The following TMEM245 variants were observed in gnomAD, a reference collection of about 807,000 sequenced individuals.
TMEM245 encodes transmembrane protein 245.
A neutral mutation model predicts 101.2 loss-of-function variants in TMEM245; 69 were observed. That is an observed-to-expected ratio of 0.68 (90% CI 0.56 to 0.83). The LOEUF is 0.83. Ranked by LOEUF, TMEM245 falls within the 40% of genes least tolerant of loss-of-function variation. The pLI is 0.00. For synonymous variants in TMEM245, 537 were observed against 449.8 expected, an observed-to-expected ratio of 1.19 and a Z score of -2.45; for missense variants, 1,075 against 1,092.8, an observed-to-expected ratio of 0.98 and a Z score of 0.23.
intron 3 of TMEM245, among the ~76,000 whole-genome samples, chr9:109,102,292 CAG>C (rs941256055): frequency 6.6e-6 from 1 of 152,036 alleles, no homozygotes; most frequent in African/African-American, 2.4e-5. Context: ...TTTCCACTGT[CAG>C]AGAGATATAT....
chr9:109,021,145 G>T (rs1033458014), intron 17 of TMEM245, among the ~76,000 whole-genome samples: 1 of 152,226 alleles, frequency 6.6e-6, no homozygotes, highest in Admixed American at 6.5e-5. Flanking sequence ...CTGCATACAT[G>T]AAGTGTCTAT....
At chr9:109,034,786 T>C (rs1828068478) in intron 16 of TMEM245, among the ~76,000 whole-genome samples, 1 of 152,154 alleles carries the variant, frequency 6.6e-6, no homozygotes. Context: ...TGTGGGAGTT[T>C]ATGAATAAAA....
intron 8 of TMEM245, among the ~76,000 whole-genome samples, chr9:109,076,410 T>G (rs1829505111): frequency 6.6e-6 from 1 of 151,252 alleles, no homozygotes; most frequent in East Asian, 1.9e-4. Flanking sequence ...AGGGATAGCA[T>G]TAGGAGATAC....
Position 109,032,815 on chromosome 9 carries a change from T to G in TMEM245, c.2594+492A>C, listed in dbSNP as rs910023293. Among the ~76,000 whole-genome samples, 75 of 149,394 alleles carry G rather than the reference T, an allele frequency of 5.0e-4. 1 individual carries two copies. The highest frequency in any genetic ancestry group is 1.7e-3 in the African/African-American group (70 of 40,854). On this transcript the variant is annotated intron_variant, in intron 17 of 17. Coordinates refer to ENST00000374586, the MANE Select transcript of TMEM245 (RefSeq NM_032012.4). The stretch of plus-strand genomic sequence containing the variant: ...TCTCACCCAATATAGGTCTTTTTTT[T>G]TTTTTTTTTTTTATATGCTGTTGCC...
intron 14 of TMEM245, among the ~76,000 whole-genome samples, chr9:109,045,114 A>G (rs646234): frequency 0.46 from 69,668 of 151,972 alleles, 16,275 homozygotes; most frequent in South Asian, 0.61. Flanking sequence ...TTGAAATGAT[A>G]TAATTTATTG....
intron 3 of TMEM245, among the ~76,000 whole-genome samples, chr9:109,104,545 G>A (rs1272821559): frequency 2.0e-5 from 3 of 152,072 alleles, no homozygotes; most frequent in East Asian, 1.9e-4. Flanking sequence ...AAACAGGAAA[G>A]CTGATCATAA....
chr9:109,100,573 T>C (rs1216002267), intron 3 of TMEM245, among the ~76,000 whole-genome samples: 1 of 152,168 alleles, frequency 6.6e-6, no homozygotes. Context: ...AAGGTTAGTC[T>C]TGAACTCCTG....
At position 109,016,086 on chromosome 9, in the gene TMEM245, C is replaced by T. The variant is rs988517523; in HGVS notation, c.*4374G>A. On this transcript the variant is annotated 3_prime_UTR_variant, in exon 18 of 18. Transcript: ENST00000374586. The stretch of plus-strand genomic sequence containing the variant: ...CTTCTCAAAGAGTTGTAAACTTGAT[C>T]AAGGGCCATGTTTCTCAAAGGACCC... The T allele has an allele frequency of 6.6e-6, 1 of 152,596 alleles. No homozygotes were observed. The highest frequency in any genetic ancestry group is 1.5e-5 in the Non-Finnish European group (1 of 68,030). The allele number at this position is 152,596 out of a possible 1,614,324, so 9.5% of individuals were successfully genotyped here.
intron 3 of TMEM245, among the ~76,000 whole-genome samples, chr9:109,099,679 C>T (rs1378579755): frequency 1.3e-5 from 2 of 152,174 alleles, no homozygotes; most frequent in African/African-American, 4.8e-5. Flanking sequence ...CACAGCCTTA[C>T]TTATAGGAGA....
chr9:109,036,478 C>A lies in TMEM245; in HGVS notation c.2225-98G>T, dbSNP rs1175541381. ...GTAGCTCCTCCTCAACAACTTCCAA[C>A]AAAACAAGTTAAATACTCACAAACT... On this transcript the variant is annotated intron_variant, in intron 15 of 17. Transcript: ENST00000374586. The A allele has an allele frequency of 6.8e-6, 8 of 1,168,000 alleles. No homozygotes were observed. The South Asian group carries it at 1.4e-4, about 20-fold the overall frequency. 72.4% of individuals were successfully genotyped at this position (1,168,000 alleles called of 1,614,324 possible).
In TMEM245 at chr9:109,057,179, G is replaced by C. The variant is rs747274136; in HGVS notation, c.1854+12C>G. The C allele has an allele frequency of 1.9e-6, 3 of 1,611,054 alleles. No homozygotes were observed. The highest frequency in any genetic ancestry group is 3.4e-5 in the Admixed American group (2 of 59,588). ...TTTGAACTTCAGCTTAACTATAAAT[G>C]CTATTTCTTACCGAAAGAAATGTCT... On this transcript the variant is annotated intron_variant, in intron 12 of 17. Coordinates refer to ENST00000374586, the MANE Select transcript of TMEM245 (RefSeq NM_032012.4).
At position 109,016,502 on chromosome 9, in the gene TMEM245, T is replaced by C. The variant is rs1019945222; in HGVS notation, c.*3958A>G. ...ATGTCAGACAAGCCACTTAAACCTA[T>C]GAATTTGGGTCTTTCTCTAGAAAGT... On this transcript the variant is annotated 3_prime_UTR_variant, in exon 18 of 18. Transcript: ENST00000374586. The C allele has an allele frequency of 6.6e-5, 10 of 152,148 alleles. No homozygotes were observed. The highest frequency in any genetic ancestry group is 2.4e-4 in the African/African-American group (10 of 41,438). The allele number at this position is 152,148 out of a possible 1,614,324, so 9.4% of individuals were successfully genotyped here. A position where few individuals can be genotyped will look rare whatever the true frequency, so the allele number is the denominator to read the frequency against.
At chr9:109,058,197 GGTTTCAC>G (rs1437843716) in intron 11 of TMEM245, among the ~76,000 whole-genome samples, 1 of 151,346 alleles carries the variant, frequency 6.6e-6, no homozygotes, top group Admixed American at 6.6e-5. Flanking sequence ...GTAGAGACGG[GGTTTCAC>G]TGTGTTAGCC....
chr9:109,115,206 C>A (rs937739640), intron 1 of TMEM245, among the ~76,000 whole-genome samples: 1 of 151,908 alleles, frequency 6.6e-6, no homozygotes, highest in Non-Finnish European at 1.5e-5. Flanking sequence ...AAAAATTAGC[C>A]GGGCGTGGTG....
At position 109,020,173 on chromosome 9, in the gene TMEM245, T is replaced by C. The variant is rs935517571; in HGVS notation, c.*287A>G. The C allele has an allele frequency of 2.9e-6, 1 of 348,404 alleles. No individual in the cohort carries two copies. Among genetic ancestry groups the C allele is most frequent in the Admixed American group, 4.5e-5 (1 of 22,248 alleles). The allele number at this position is 348,404 out of a possible 1,614,324, so 21.6% of individuals were successfully genotyped here. On this transcript the variant is annotated 3_prime_UTR_variant, in exon 18 of 18. Coordinates refer to ENST00000374586, the MANE Select transcript of TMEM245 (RefSeq NM_032012.4). Reference sequence around the variant, plus strand: ...AACATAGATAACCAAAGTGGAAAAATTTCAAGCCAGGGTACCAGTGTATAA... The same window carrying C: ...AACATAGATAACCAAAGTGGAAAAACTTCAAGCCAGGGTACCAGTGTATAA...
intron 12 of TMEM245, 100 bp downstream of exon 12, chr9:109,057,091 A>C: frequency 1.5e-6 from 2 of 1,314,114 alleles, no homozygotes; most frequent in Non-Finnish European, 2.1e-6. Flanking sequence ...CATGATGTTA[A>C]AAACAGGATA....
At chr9:109,020,664 T>C (rs570469476) in intron 17 of TMEM245, among the ~76,000 whole-genome samples, 159 bp from the exon 18 acceptor site, 1 of 152,350 alleles carries the variant, frequency 6.6e-6, no homozygotes, top group East Asian at 1.9e-4. Context: ...CTCATTCTCA[T>C]TAACAAGAAC....
chr9:109,071,830 A>G (rs1383213300), intron 9 of TMEM245, among the ~76,000 whole-genome samples: 1 of 152,200 alleles, frequency 6.6e-6, no homozygotes, highest in Admixed American at 6.5e-5. Context: ...GCTCTGCTGA[A>G]CATCCCCCAC....
intron 14 of TMEM245, among the ~76,000 whole-genome samples, chr9:109,049,448 G>A (rs934182231): frequency 2.1e-4 from 32 of 152,096 alleles, no homozygotes; most frequent in African/African-American, 6.5e-4. Flanking sequence ...TCCTGAGCTC[G>A]AACAATCCTC....
Sources: allele counts gnomAD v4.1 joint callset (sites outside exome capture counted in the v4.1 genomes callset), GRCh38; gene constraint gnomAD v4.1.1; transcripts MANE v1.5; gene names NCBI Gene and HGNC (gene_info 2026-07-23, HGNC 2026-07-21).